Variants in TWSG1 observed in about 807,000 individuals in gnomAD.
The protein encoded by TWSG1 is twisted gastrulation protein homolog 1.
In TWSG1, 15 loss-of-function variants were observed where a neutral mutation model predicts 23.0. That is an observed-to-expected ratio of 0.65 (90% confidence interval 0.44 to 1.00). TWSG1 has a LOEUF of 1.00. TWSG1 is among the 50% of genes least tolerant of loss of function. The probability of loss-of-function intolerance (pLI) is 0.00; values close to 1 mark genes in which losing one functional copy is unlikely to be tolerated. For missense variants in TWSG1, 242 were observed against 278.7 expected, an observed-to-expected ratio of 0.87 and a Z score of 0.94; for synonymous variants, 86 against 92.8, an observed-to-expected ratio of 0.93 and a Z score of 0.42.
chr18:9,379,355 T>C (rs1343653817), intron 3 of TWSG1, among the ~76,000 whole-genome samples: 2 of 152,194 alleles, frequency 1.3e-5, no homozygotes, highest in Non-Finnish European at 2.9e-5. Context: ...TGCGATCATG[T>C]CCTTTGCGGG....
chr18:9,372,067 C>A (rs930431477), intron 3 of TWSG1, among the ~76,000 whole-genome samples: 1 of 151,820 alleles, frequency 6.6e-6, no homozygotes, highest in Non-Finnish European at 1.5e-5. Flanking sequence ...GCCTGGCCAA[C>A]GTTTTTATTC....
At chr18:9,370,606 T>G (rs142697248) in intron 3 of TWSG1, among the ~76,000 whole-genome samples, 320 of 152,304 alleles carry the variant, frequency 2.1e-3, no homozygotes, top group Middle Eastern at 0.017. Context: ...TTTAGGCCTA[T>G]TCAGAGTTTA....
intron 2 of TWSG1, among the ~76,000 whole-genome samples, chr18:9,343,031 T>C (rs2040452918): frequency 6.6e-6 from 1 of 152,004 alleles, no homozygotes; most frequent in Non-Finnish European, 1.5e-5. Flanking sequence ...TTATTCTCTA[T>C]AGGTAACTTT....
intron 2 of TWSG1, among the ~76,000 whole-genome samples, chr18:9,357,965 A>T (rs1376534331): frequency 6.6e-6 from 1 of 152,198 alleles, no homozygotes; most frequent in East Asian, 1.9e-4. Context: ...TTTGATCTAA[A>T]ATGAGGACAT....
intron 3 of TWSG1, among the ~76,000 whole-genome samples, chr18:9,391,880 G>A (rs1251163918): frequency 6.6e-6 from 1 of 152,196 alleles, no homozygotes; most frequent in Non-Finnish European, 1.5e-5. Flanking sequence ...GAGTAACCAG[G>A]TACATTGTCA....
chr18:9,346,702 A>G (rs1166192631), intron 2 of TWSG1, among the ~76,000 whole-genome samples: 2 of 152,202 alleles, frequency 1.3e-5, no homozygotes, highest in Non-Finnish European at 2.9e-5. Context: ...GTTCAAGGCT[A>G]CAGTAGGTTA....
At chr18:9,352,144 C>A (rs2040505051) in intron 2 of TWSG1, among the ~76,000 whole-genome samples, 1 of 152,112 alleles carries the variant, frequency 6.6e-6, no homozygotes, top group South Asian at 2.1e-4. Flanking sequence ...TATAGTTTTG[C>A]CTTTTCCAGA....
rs867411609 is a variant in TWSG1, at chr18:9,398,027, A to C, written c.491-1319A>C. Among the ~76,000 whole-genome samples, 838 of 147,672 alleles carry C rather than the reference A, an allele frequency of 5.7e-3. 3 individuals are homozygous for C. The highest frequency in any genetic ancestry group is 0.017 in the South Asian group (79 of 4,706). On this transcript the variant is annotated intron_variant, in intron 4 of 4. Transcript: ENST00000262120. ...CTCAAAAAAAAAAAAAAAAAAAAAA[A>C]CCAAGAAAACAAAAAACAGTGTGAG...
intron 2 of TWSG1, among the ~76,000 whole-genome samples, chr18:9,340,557 C>T (rs192717612): frequency 7.2e-5 from 11 of 152,152 alleles, no homozygotes; most frequent in African/African-American, 2.4e-4. Flanking sequence ...CCATGTGTTC[C>T]TCTTACTATG....
chr18:9,387,349 G>A (rs1194883201), intron 3 of TWSG1, among the ~76,000 whole-genome samples: 1 of 152,134 alleles, frequency 6.6e-6, no homozygotes, highest in Non-Finnish European at 1.5e-5. Flanking sequence ...TAAAAATATT[G>A]AAATATACAC....
At chr18:9,381,843 A>G (rs2040657631) in intron 3 of TWSG1, among the ~76,000 whole-genome samples, 1 of 127,750 alleles carries the variant, frequency 7.8e-6, no homozygotes, top group African/African-American at 2.6e-5. Flanking sequence ...AGCAAAATAA[A>G]TTTACCTGAG....
At chr18:9,360,800 C>A (rs1396027883) in intron 3 of TWSG1, among the ~76,000 whole-genome samples, 5 of 152,138 alleles carry the variant, frequency 3.3e-5, no homozygotes, top group Admixed American at 3.3e-4. Flanking sequence ...CTAAAACAAT[C>A]CCATCTCAGT....
chr18:9,355,031 C>T (rs188870757), intron 2 of TWSG1, among the ~76,000 whole-genome samples: 1 of 152,178 alleles, frequency 6.6e-6, no homozygotes, highest in Non-Finnish European at 1.5e-5. Context: ...TCTCGGCTCA[C>T]TGCATACTCC....
Position 9,396,369 on chromosome 18 carries a change from C to T in TWSG1, c.313C>T (p.Arg105Trp), listed in dbSNP as rs759319571. The T allele has an allele frequency of 1.4e-5, 23 of 1,614,010 alleles. No individual in the cohort carries two copies. Among genetic ancestry groups the T allele is most frequent in the East Asian group, 2.2e-5 (1 of 44,898 alleles). The change falls in exon 4 of 5, where the codon CGG (arginine) becomes TGG (tryptophan). Residue 105 changes from arginine (R) to tryptophan (W), a missense_variant. Transcript: ENST00000262120. ...ELHEPIPSLF[R>W]ALTEGDTQLN... is the part of the protein sequence containing the mutation. ...GCATGAACCGATCCCTTCTCTCTTC[C>T]GGGCACTCACAGAAGGAGATACTCA...
intron 2 of TWSG1, among the ~76,000 whole-genome samples, chr18:9,348,555 T>C (rs1388033580): frequency 3.3e-5 from 5 of 152,218 alleles, no homozygotes; most frequent in Non-Finnish European, 7.3e-5. Context: ...GGTTAAACAT[T>C]GTTGTGGCTT....
At chr18:9,360,577 C>T (rs141730817) in intron 3 of TWSG1, among the ~76,000 whole-genome samples, 1 of 152,132 alleles carries the variant, frequency 6.6e-6, no homozygotes, top group African/African-American at 2.4e-5. Flanking sequence ...TCAAGTATCC[C>T]CTTTCCTTGG....
chr18:9,337,305 T>C lies in TWSG1; in HGVS notation c.76T>C (p.Cys26Arg). ...GACATGGCTTCCAGAATCACTGAGC[T>C]GTAACAAAGCACTCTGTGCTAGTGA... ...FLTWLPESLS[C>R]NKALCASDVS... is the part of the protein sequence containing the mutation. Residue 26 changes from cysteine to arginine, a missense_variant, in exon 2 of 5, where the codon TGT (cysteine) becomes CGT (arginine). Physicochemically the swap from Cys to Arg is radical, Grantham distance 180 (BLOSUM62 -3). Coordinates refer to ENST00000262120, the MANE Select transcript of TWSG1 (RefSeq NM_020648.6). 1.2e-6 allele frequency: 2 copies of C among 1,613,710 alleles called. No homozygotes were observed. Among genetic ancestry groups the C allele is most frequent in the South Asian group, 1.1e-5 (1 of 91,086 alleles).
At chr18:9,372,008 G>T (rs4798796) in intron 3 of TWSG1, among the ~76,000 whole-genome samples, 1 of 151,800 alleles carries the variant, frequency 6.6e-6, no homozygotes, top group Non-Finnish European at 1.5e-5. Flanking sequence ...CTCATGATCC[G>T]CCCTCCTTGG....
chr18:9,353,766 C>T (rs1446007678), intron 2 of TWSG1, among the ~76,000 whole-genome samples: 1 of 152,208 alleles, frequency 6.6e-6, no homozygotes, highest in East Asian at 1.9e-4. Flanking sequence ...TCAGCCTTCT[C>T]TTCTCCACAT....
Sources: gnomAD v4.1 joint callset for allele counts (sites outside exome capture counted in the v4.1 genomes callset) on GRCh38, gnomAD v4.1.1 for gene constraint, MANE v1.5 for transcripts, NCBI Gene and HGNC (gene_info 2026-07-23, HGNC 2026-07-21) for gene names.